MECR: variants seen among roughly 807,000 people sequenced by gnomAD.
The protein encoded by MECR is enoyl-[acyl-carrier-protein] reductase, mitochondrial.
Under a neutral mutation model 49.1 loss-of-function variants are expected in MECR, and 37 were observed. The ratio of observed to expected loss-of-function variants is 0.75; its 90% CI spans 0.58 to 0.99. MECR has a LOEUF of 0.99. Among genes scored for constraint, MECR ranks in the 50% least tolerant of loss-of-function variants. The probability of loss-of-function intolerance (pLI) is 0.00; values close to 1 mark genes in which losing one functional copy is unlikely to be tolerated. For synonymous variants in MECR, 198 were observed against 191.1 expected (o/e 1.04, Z -0.30); for missense variants, 470 against 479.6 (o/e 0.98, Z 0.19).
the MECR span, chr1:29,168,807 A>G: frequency 2.0e-5 from 3 of 152,204 alleles, no homozygotes; most frequent in Non-Finnish European, 2.9e-5. Context: ...AATATTGGCA[A>G]TATTATGTAT....
At chr1:29,217,240 C>T (rs1418265286) in intron 1 of MECR, among the ~76,000 whole-genome samples, 2 of 140,854 alleles carry the variant, frequency 1.4e-5, no homozygotes, top group African/African-American at 5.2e-5. Flanking sequence ...GACAGAGTCT[C>T]ACTGTGTCAC....
chr1:29,178,525 T>A, the MECR span, among the ~76,000 whole-genome samples: 3 of 152,022 alleles, frequency 2.0e-5, no homozygotes, highest in Admixed American at 1.3e-4. Flanking sequence ...TTTTAATTTT[T>A]ATTTTCATTT....
intron 1 of MECR, chr1:29,221,202 T>C (rs1191396168): frequency 6.6e-6 from 1 of 151,676 alleles, no homozygotes. Flanking sequence ...CAGGAGACCC[T>C]GTCTCAGGGG....
At chr1:29,207,004 TA>T in intron 3 of MECR, 99 bp from the exon 4 acceptor site, 9 of 1,319,486 alleles carry the variant, frequency 6.8e-6, no homozygotes, top group Non-Finnish European at 9.5e-6. Context: ...GGATAGTGGG[TA>T]GCATCCACTG....
intron 3 of MECR, among the ~76,000 whole-genome samples, chr1:29,208,244 G>A (rs759970195): frequency 7.9e-5 from 12 of 152,104 alleles, no homozygotes; most frequent in Non-Finnish European, 1.5e-5. Context: ...CGCCCGCCTC[G>A]GCCTCCCAGA....
At chr1:29,210,613 G>A (rs1677764832) in intron 3 of MECR, among the ~76,000 whole-genome samples, 1 of 152,126 alleles carries the variant, frequency 6.6e-6, no homozygotes, top group African/African-American at 2.4e-5. Context: ...CTGGGGCTTA[G>A]CAGTCCCTAA....
chr1:29,168,918 T>C, the MECR span: 1 of 152,222 alleles, frequency 6.6e-6, no homozygotes, highest in Admixed American at 6.5e-5. Flanking sequence ...CAAAGAATAC[T>C]AGAAAGTTTA....
In MECR at chr1:29,216,602, A is replaced by G; in HGVS notation, c.260T>C (p.Ile87Thr). The G allele has an allele frequency of 1.2e-6, 2 of 1,614,190 alleles. No homozygotes were observed. Among genetic ancestry groups the G allele is most frequent in the South Asian group, 1.1e-5 (1 of 91,082 alleles). The change falls in exon 2 of 10, where the codon ATA becomes ACA. Residue 87 changes from isoleucine to threonine, a missense_variant. Ile to Thr is a moderately conservative substitution (Grantham distance 89). Coordinates refer to ENST00000263702, the MANE Select transcript of MECR (RefSeq NM_016011.5). ...MLAAPINPSD[I>T]NMIQGNYGFL... ...ACCAAGGTTACCTTGGATCATATTT[A>G]TGTCAGATGGATTGATAGGGGCCGC...
At chr1:29,218,986 A>G (rs1680125786) in intron 1 of MECR, among the ~76,000 whole-genome samples, 1 of 152,168 alleles carries the variant, frequency 6.6e-6, no homozygotes, top group Non-Finnish European at 1.5e-5. Context: ...CAAAGTAGCA[A>G]GTGGCTGACC....
the MECR span, chr1:29,181,532 G>A: frequency 3.2e-6 from 3 of 924,452 alleles, no homozygotes; most frequent in East Asian, 3.1e-5. Flanking sequence ...GCGGAGCCTG[G>A]CCAGGCCGGT....
chr1:29,205,997 G>A (rs1254279383), intron 4 of MECR, among the ~76,000 whole-genome samples: 7 of 152,114 alleles, frequency 4.6e-5, no homozygotes, highest in Non-Finnish European at 1.0e-4. Flanking sequence ...AAAACACTTG[G>A]CTCTGTCATT....
the MECR span, among the ~76,000 whole-genome samples, chr1:29,181,434 C>G: frequency 2.0e-5 from 3 of 152,168 alleles, no homozygotes; most frequent in African/African-American, 7.2e-5. Context: ...GGCCTCAGCA[C>G]AGCTCCCATT....
chr1:29,212,882 C>T (rs1678374275), intron 3 of MECR, among the ~76,000 whole-genome samples: 1 of 152,214 alleles, frequency 6.6e-6, no homozygotes, highest in Admixed American at 6.5e-5. Flanking sequence ...CATGAGCCAG[C>T]CACCCTGAGC....
chr1:29,221,450 T>G (rs1680749293), intron 1 of MECR, among the ~76,000 whole-genome samples: 1 of 152,224 alleles, frequency 6.6e-6, no homozygotes, highest in Non-Finnish European at 1.5e-5. Context: ...AAGGTTTTCC[T>G]GCCAGAGGGA....
At chr1:29,178,222 A>G in the MECR span, among the ~76,000 whole-genome samples, 3 of 151,958 alleles carry the variant, frequency 2.0e-5, no homozygotes, top group Non-Finnish European at 4.4e-5. Context: ...TTATGCCTTA[A>G]TTCTAAACTT....
chr1:29,186,056 T>C, the MECR span, among the ~76,000 whole-genome samples: 1 of 152,192 alleles, frequency 6.6e-6, no homozygotes, highest in Non-Finnish European at 1.5e-5. Flanking sequence ...TTGGTTGTTA[T>C]ATTAACCTAT....
chr1:29,176,317 G>A, the MECR span, among the ~76,000 whole-genome samples: 1 of 151,998 alleles, frequency 6.6e-6, no homozygotes, highest in Non-Finnish European at 1.5e-5. Flanking sequence ...AAGGCAAAGT[G>A]TTTGCTTTTT....
the MECR span, among the ~76,000 whole-genome samples, chr1:29,177,283 G>GTT: frequency 0.098 from 13,551 of 137,734 alleles, 846 homozygotes; most frequent in African/African-American, 0.18. Context: ...AACTCTTTTT[G>GTT]TTTTTTTTTT....
the MECR span, chr1:29,181,889 A>T: frequency 1.7e-6 from 1 of 576,252 alleles, no homozygotes; most frequent in Non-Finnish European, 2.6e-6. Flanking sequence ...CCGGCGACGT[A>T]CGCGAGCACG....
Sources: allele counts gnomAD v4.1 joint callset (sites outside exome capture counted in the v4.1 genomes callset), GRCh38; gene constraint gnomAD v4.1.1; transcripts MANE v1.5; gene names NCBI Gene and HGNC (gene_info 2026-07-23, HGNC 2026-07-21).